PRKD1: variants seen among roughly 807,000 people sequenced by gnomAD.
PRKD1 encodes serine/threonine-protein kinase D1.
PRKD1 carries 63 observed loss-of-function variants against 95.9 expected under a neutral mutation model. The observed-to-expected ratio is 0.66, with a 90% confidence interval of 0.54 to 0.81. The LOEUF is 0.81. Among genes scored for constraint, PRKD1 ranks in the 30% least tolerant of loss-of-function variants. The pLI is 0.00. For synonymous variants in PRKD1, 425 were observed against 423.1 expected, an observed-to-expected ratio of 1.00 and a Z score of -0.05; for missense variants, 1,048 against 1,165.3, an observed-to-expected ratio of 0.90 and a Z score of 1.47.
chr14:29,918,390 C>A (rs1186089006), intron 1 of PRKD1, among the ~76,000 whole-genome samples: 1 of 151,514 alleles, frequency 6.6e-6, no homozygotes, highest in Non-Finnish European at 1.5e-5. Flanking sequence ...AAGAAAAACA[C>A]TTATTATGAC....
intron 1 of PRKD1, among the ~76,000 whole-genome samples, chr14:29,756,342 ACTTT>A (rs1256559853): frequency 6.6e-6 from 1 of 152,194 alleles, no homozygotes; most frequent in Non-Finnish European, 1.5e-5. Flanking sequence ...ATGCGTAAAG[ACTTT>A]CTAAGTTCTT....
intron 1 of PRKD1, among the ~76,000 whole-genome samples, chr14:29,762,199 C>G (rs1888026096): frequency 1.3e-5 from 2 of 152,108 alleles, no homozygotes; most frequent in African/African-American, 2.4e-5. Flanking sequence ...ATAGTATAAT[C>G]AGGACACTAT....
intron 1 of PRKD1, among the ~76,000 whole-genome samples, chr14:29,793,473 C>T (rs1486790450): frequency 6.6e-6 from 1 of 152,082 alleles, no homozygotes; most frequent in Non-Finnish European, 1.5e-5. Context: ...CGCTCTAAAT[C>T]CCAAATTCTG....
Position 29,638,847 on chromosome 14 carries a change from A to G in PRKD1, c.754T>C (p.Tyr252His), listed in dbSNP as rs750955192. The change falls in exon 5 of 18, where the codon TAC becomes CAC. Residue 252 changes from tyrosine (Y) to histidine (H), a missense_variant. Around this residue, in one of 3 missense-constraint regions of PRKD1, gnomAD observed 739 missense variants for 861.9 expected, o/e 0.86. Coordinates refer to ENST00000331968, the MANE Select transcript of PRKD1 (RefSeq NM_002742.3). ...TCAAGGTGAATTGGTCGTCCAATGT[A>G]TGATTGAGAATTTGACCTCTTCTCT... is the stretch of plus-strand genomic sequence containing the variant. ...GREKRSNSQS[Y>H]IGRPIHLDKI... 2.1e-6 allele frequency: 3 copies of G among 1,400,074 alleles called. No homozygotes were observed. Among genetic ancestry groups the G allele is most frequent in the East Asian group, 3.0e-5 (1 of 32,946 alleles). The allele number at this position is 1,400,074 out of a possible 1,614,324, so 86.7% of individuals were successfully genotyped here.
intron 2 of PRKD1, among the ~76,000 whole-genome samples, chr14:29,678,572 A>G (rs1883360428): frequency 6.6e-6 from 1 of 152,108 alleles, no homozygotes. Context: ...GCAGGTGGGA[A>G]CTGGGTACAT....
chr14:29,847,753 T>C (rs1892138235), intron 1 of PRKD1, among the ~76,000 whole-genome samples: 1 of 152,146 alleles, frequency 6.6e-6, no homozygotes, highest in African/African-American at 2.4e-5. Context: ...CAGATTCCTA[T>C]GCTATGTTCT....
At chr14:29,673,477 C>T (rs769906996) in intron 2 of PRKD1, among the ~76,000 whole-genome samples, 4 of 152,200 alleles carry the variant, frequency 2.6e-5, no homozygotes, top group Non-Finnish European at 4.4e-5. Context: ...GATATGCCTA[C>T]CCCCACCTGC....
chr14:29,908,493 G>T (rs565066595), intron 1 of PRKD1, among the ~76,000 whole-genome samples: 1 of 151,914 alleles, frequency 6.6e-6, no homozygotes, highest in African/African-American at 2.4e-5. Flanking sequence ...CACTATGTTG[G>T]CCAGGCTGGT....
intron 2 of PRKD1, among the ~76,000 whole-genome samples, chr14:29,686,120 G>T (rs1422610807): frequency 1.3e-5 from 2 of 152,142 alleles, no homozygotes; most frequent in African/African-American, 4.8e-5. Flanking sequence ...TCCTTTAATA[G>T]GATACAGAGG....
intron 2 of PRKD1, among the ~76,000 whole-genome samples, chr14:29,671,871 T>C (rs1882863590): frequency 1.3e-5 from 2 of 152,240 alleles, no homozygotes; most frequent in Non-Finnish European, 2.9e-5. Flanking sequence ...AATAAATAAA[T>C]TTTGCCCTAC....
intron 1 of PRKD1, among the ~76,000 whole-genome samples, chr14:29,782,677 T>A (rs537463206): frequency 6.6e-6 from 1 of 152,180 alleles, no homozygotes; most frequent in Admixed American, 6.5e-5. Flanking sequence ...ACTACAGGCA[T>A]GTGCCACCAA....
At chr14:29,628,994 T>C in intron 11 of PRKD1, 47 bp downstream of exon 11, 2 of 1,292,056 alleles carry the variant, frequency 1.5e-6, no homozygotes, top group Non-Finnish European at 2.1e-6. Flanking sequence ...GCTTTTATTT[T>C]CCAGTAATCA....
chr14:29,774,643 G>A (rs873949), intron 1 of PRKD1, among the ~76,000 whole-genome samples: 2 of 152,026 alleles, frequency 1.3e-5, no homozygotes, highest in South Asian at 4.1e-4. Flanking sequence ...TGACATTATT[G>A]TGCATTTTTT....
At chr14:29,841,374 T>C (rs1165990578) in intron 1 of PRKD1, among the ~76,000 whole-genome samples, 3 of 152,148 alleles carry the variant, frequency 2.0e-5, no homozygotes, top group Admixed American at 2.0e-4. Flanking sequence ...GGTTTGGTTG[T>C]GTCCTCACCC....
intron 1 of PRKD1, among the ~76,000 whole-genome samples, chr14:29,845,367 T>A (rs534227304): frequency 1.4e-4 from 21 of 152,330 alleles, no homozygotes; most frequent in Non-Finnish European, 2.8e-4. Flanking sequence ...ATGTTTAAAG[T>A]ATTTACCACC....
chr14:29,678,114 T>C (rs1883336843), intron 2 of PRKD1, among the ~76,000 whole-genome samples: 1 of 152,208 alleles, frequency 6.6e-6, no homozygotes. Flanking sequence ...GGATATTTTA[T>C]ATTATTCTTT....
intron 1 of PRKD1, among the ~76,000 whole-genome samples, chr14:29,764,602 G>A (rs537964993): frequency 6.6e-6 from 1 of 152,236 alleles, no homozygotes; most frequent in South Asian, 2.1e-4. Context: ...GCATCCTCAT[G>A]GGCAGAAGGA....
intron 12 of PRKD1, among the ~76,000 whole-genome samples, chr14:29,624,665 T>C (rs994141184): frequency 2.0e-5 from 3 of 152,166 alleles, no homozygotes; most frequent in Non-Finnish European, 4.4e-5. Context: ...AATTAAAGTC[T>C]TGGCTCTGTC....
chr14:29,644,036 G>T (rs1412733429), intron 4 of PRKD1, among the ~76,000 whole-genome samples: 1 of 152,150 alleles, frequency 6.6e-6, no homozygotes, highest in Non-Finnish European at 1.5e-5. Flanking sequence ...GAAGAACAAA[G>T]TCCGTGACAA....
Sources: gnomAD v4.1 joint callset for allele counts (sites outside exome capture counted in the v4.1 genomes callset) on GRCh38, gnomAD v4.1.1 for gene constraint, gnomAD v4.1.1 regional missense constraint, MANE v1.5 for transcripts, NCBI Gene and HGNC (gene_info 2026-07-23, HGNC 2026-07-21) for gene names.